CYLC2: variants seen among roughly 807,000 people sequenced by gnomAD.
The protein encoded by CYLC2 is cylicin-2.
A neutral mutation model predicts 26.1 loss-of-function variants in CYLC2; 30 were observed. The ratio of observed to expected loss-of-function variants is 1.15; its 90% CI spans 0.86 to 1.56. The LOEUF (loss-of-function observed/expected upper bound fraction) is 1.56, where lower values mean the gene tolerates loss of function less well. Ranked by LOEUF, CYLC2 falls within the 40% of genes most tolerant of loss-of-function variation. The pLI, the probability that CYLC2 is intolerant of heterozygous loss-of-function variation, is 0.00. For synonymous variants in CYLC2, 158 were observed against 132.8 expected, an observed-to-expected ratio of 1.19 and a Z score of -1.31; for missense variants, 498 against 394.4, an observed-to-expected ratio of 1.26 and a Z score of -2.23.
At chr9:103,002,156 C>T (rs1221605202) in intron 2 of CYLC2, among the ~76,000 whole-genome samples, 1 of 151,992 alleles carries the variant, frequency 6.6e-6, no homozygotes, top group Non-Finnish European at 1.5e-5. Context: ...TATTTCCACA[C>T]ATTAATGCTG....
chr9:103,009,809 C>A (rs1829387343), intron 5 of CYLC2, among the ~76,000 whole-genome samples: 1 of 151,938 alleles, frequency 6.6e-6, no homozygotes, highest in African/African-American at 2.4e-5. Flanking sequence ...AGAGAACATG[C>A]AATGTTTCTC....
At chr9:103,015,910 T>A (rs117303035) in intron 6 of CYLC2, among the ~76,000 whole-genome samples, 134 of 150,152 alleles carry the variant, frequency 8.9e-4, no homozygotes, top group Admixed American at 1.5e-3. Flanking sequence ...AACTTCTAAT[T>A]CCCATTAAGG....
rs1829322300 is a variant in CYLC2, at chr9:103,004,795, C to T, written c.281C>T (p.Ala94Val). The T allele has an allele frequency of 1.2e-6, 2 of 1,612,646 alleles. No individual in the cohort carries two copies. The highest frequency in any genetic ancestry group is 3.4e-5 in the Admixed American group (2 of 59,666). ...GAGAGACCATCTGTTTATTTAGCTGCCAGGAGGCAGCCTCTCAAACCAACT... is the reference window on the plus strand; with the variant it reads ...GAGAGACCATCTGTTTATTTAGCTGTCAGGAGGCAGCCTCTCAAACCAACT... ...ISERPSVYLA[A>V]RRQPLKPTRT... Residue 94 changes from alanine to valine, a missense_variant, in exon 4 of 8, where the codon GCC becomes GTC. Transcript: ENST00000374798.
At position 103,003,175 on chromosome 9, in the gene CYLC2, A is replaced by G. The variant is rs766842919; in HGVS notation, c.92A>G (p.Gln31Arg). Residue 31 changes from glutamine (Q) to arginine (R), a missense_variant, in exon 3 of 8, where the codon CAA becomes CGA. Physicochemically the swap from Gln to Arg is conservative, Grantham distance 43. Transcript: ENST00000374798. Reference protein sequence around the residue: ...SELSKKSWNQQHFALLFPKPQ... With the variant: ...SELSKKSWNQRHFALLFPKPQ... ...TTAAGCAAAAAATCATGGAATCAGC[A>G]ACACTTTGCCCTGTTATTTCCCAAA... 1.9e-6 allele frequency: 3 copies of G among 1,613,790 alleles called. No individual in the cohort carries two copies. The East Asian group carries it at 6.7e-5, about 36-fold the overall frequency.
At chr9:103,011,226 T>C (rs1428516006) in intron 5 of CYLC2, among the ~76,000 whole-genome samples, 5 of 152,040 alleles carry the variant, frequency 3.3e-5, no homozygotes, top group Non-Finnish European at 7.4e-5. Context: ...AAAAGGACAA[T>C]GTGCATTGTT....
At position 103,005,155 on chromosome 9, in the gene CYLC2, CA is replaced by C. The variant is rs1829328602; in HGVS notation, c.526del (p.Thr176GlnfsTer57). On this transcript the variant is annotated frameshift_variant, in exon 5 of 8. Coordinates refer to ENST00000374798, the MANE Select transcript of CYLC2 (RefSeq NM_001340.5). LOFTEE classifies it high-confidence loss of function. Reference protein sequence around the residue: ...KKDAEKGKDSATESEDEKGGA... With the variant: ...KKDAEKGKDSXTESEDEKGGA... ...GATGCAGAGAAGGGCAAAGACTCAG[CA>C]ACAGAATCTGAAGATGAAAAAGGAG... is the stretch of plus-strand genomic sequence containing the variant. The C allele has an allele frequency of 1.2e-6, 2 of 1,605,038 alleles. No individual in the cohort carries two copies. The highest frequency in any genetic ancestry group is 3.5e-5 in the Admixed American group (2 of 57,530).
chr9:102,999,728 A>G (rs2118224746), intron 1 of CYLC2, among the ~76,000 whole-genome samples: 1 of 152,008 alleles, frequency 6.6e-6, no homozygotes, highest in East Asian at 1.9e-4. Flanking sequence ...AAATGATCAG[A>G]TGATTTTTCT....
At chr9:103,009,805 C>A (rs920471585) in intron 5 of CYLC2, among the ~76,000 whole-genome samples, 1 of 151,944 alleles carries the variant, frequency 6.6e-6, no homozygotes, top group Non-Finnish European at 1.5e-5. Flanking sequence ...TGAGAGAGAA[C>A]ATGCAATGTT....
rs1227068080 is a variant in CYLC2, at chr9:103,005,339, T to C, written c.708T>C (p.Ala236=). 6 of 1,613,640 alleles carry C rather than the reference T, an allele frequency of 3.7e-6. No individual in the cohort carries two copies. Among genetic ancestry groups the C allele is most frequent in the Non-Finnish European group, 5.1e-6 (6 of 1,179,926 alleles). The change falls in exon 5 of 8, where the codon GCT becomes GCC. Residue 236 remains alanine, a synonymous_variant. Coordinates refer to ENST00000374798, the MANE Select transcript of CYLC2 (RefSeq NM_001340.5). ...AGGATTCAGCCATAGAATTACAAGC[T>C]GTAAAAGCAGATGAAAAGAAGGATG... ...KGKDSAIELQ[A]VKADEKKDED...
At chr9:103,011,764 A>G (rs1159947728) in intron 5 of CYLC2, among the ~76,000 whole-genome samples, 4 of 152,010 alleles carry the variant, frequency 2.6e-5, no homozygotes, top group Admixed American at 1.3e-4. Flanking sequence ...TAAACATCCT[A>G]AACTTATATG....
chr9:103,017,257 T>C (rs969961054), intron 7 of CYLC2, among the ~76,000 whole-genome samples: 1 of 152,034 alleles, frequency 6.6e-6, no homozygotes, highest in Admixed American at 6.6e-5. Flanking sequence ...GAATATGTCC[T>C]AGTAACACCC....
chr9:103,005,235 T>A lies in CYLC2; in HGVS notation c.604T>A (p.Ser202Thr). The A allele has an allele frequency of 2.5e-6, 4 of 1,611,964 alleles. No individual in the cohort carries two copies. Among genetic ancestry groups the A allele is most frequent in the Non-Finnish European group, 3.4e-6 (4 of 1,179,538 alleles). The change falls in exon 5 of 8, where the codon TCG (serine) becomes ACG (threonine). Residue 202 changes from serine to threonine, a missense_variant. By Grantham distance (58) the Ser-to-Thr change is moderately conservative. Transcript: ENST00000374798. ...DKKDSNKGKD[S>T]ATESEGEKGG... ...AAAGGATTCAAACAAAGGCAAAGAC[T>A]CGGCAACAGAATCTGAAGGTGAAAA...
At chr9:103,012,397 T>C (rs188588723) in intron 6 of CYLC2, among the ~76,000 whole-genome samples, 2 of 152,200 alleles carry the variant, frequency 1.3e-5, no homozygotes, top group Non-Finnish European at 2.9e-5. Context: ...ATACACCAGA[T>C]AAAATAATTC....
rs376041248 is a variant in CYLC2, at chr9:103,005,340, G to A, written c.709G>A (p.Val237Ile). ...GKDSAIELQA[V>I]KADEKKDEDG... ...GGATTCAGCCATAGAATTACAAGCT[G>A]TAAAAGCAGATGAAAAGAAGGATGA... The change falls in exon 5 of 8, where the codon GTA (valine) becomes ATA (isoleucine). Residue 237 changes from valine (V) to isoleucine (I), a missense_variant. Transcript: ENST00000374798. 7.4e-6 allele frequency: 12 copies of A among 1,613,758 alleles called. No homozygotes were observed. The highest frequency in any genetic ancestry group is 1.1e-5 in the South Asian group (1 of 91,084).
intron 5 of CYLC2, among the ~76,000 whole-genome samples, chr9:103,009,956 A>G (rs1829389629): frequency 6.6e-6 from 1 of 150,912 alleles, no homozygotes; most frequent in African/African-American, 2.4e-5. Flanking sequence ...ACATACATAT[A>G]TGTGTACACA....
At chr9:103,014,440 C>CGTA (rs1829464927) in intron 6 of CYLC2, among the ~76,000 whole-genome samples, 1 of 92,218 alleles carries the variant, frequency 1.1e-5, no homozygotes, top group Non-Finnish European at 2.3e-5. Flanking sequence ...ATGTATATTA[C>CGTA]ATAATATACA....
chr9:103,012,423 A>C (rs1329280119), intron 6 of CYLC2, among the ~76,000 whole-genome samples: 1 of 152,060 alleles, frequency 6.6e-6, no homozygotes, highest in Non-Finnish European at 1.5e-5. Context: ...TTTTGAACAT[A>C]TTGAATATGG....
intron 7 of CYLC2, among the ~76,000 whole-genome samples, chr9:103,017,695 G>A (rs1829521709): frequency 1.3e-5 from 2 of 152,004 alleles, no homozygotes; most frequent in African/African-American, 4.8e-5. Context: ...TGCATTAGGG[G>A]TAGACTGGTT....
chr9:103,007,325 G>C (rs1223270043), intron 5 of CYLC2, among the ~76,000 whole-genome samples: 1 of 151,976 alleles, frequency 6.6e-6, no homozygotes, highest in Non-Finnish European at 1.5e-5. Context: ...TTTTAAAATA[G>C]AAAATATTAA....
Sources: allele counts gnomAD v4.1 joint callset (sites outside exome capture counted in the v4.1 genomes callset), GRCh38; gene constraint gnomAD v4.1.1; transcripts MANE v1.5; gene names NCBI Gene and HGNC (gene_info 2026-07-23, HGNC 2026-07-21).